Variants in DPYD observed in about 807,000 individuals in gnomAD.
The protein encoded by DPYD is dihydropyrimidine dehydrogenase [NADP(+)].
A neutral mutation model predicts 116.2 loss-of-function variants in DPYD; 109 were observed. That is an observed-to-expected ratio of 0.94 (90% CI 0.80 to 1.10). The LOEUF (loss-of-function observed/expected upper bound fraction) is 1.10, where lower values mean the gene tolerates loss of function less well. Among genes scored for constraint, DPYD ranks in the 50% least tolerant of loss-of-function variants. DPYD has a pLI of 0.00. For missense variants in DPYD, 1,302 were observed against 1,254.5 expected, an observed-to-expected ratio of 1.04 and a Z score of -0.57; for synonymous variants, 440 against 432.0, an observed-to-expected ratio of 1.02 and a Z score of -0.23.
intron 20 of DPYD, among the ~76,000 whole-genome samples, chr1:97,180,829 A>G (rs539795214): frequency 6.6e-6 from 1 of 152,310 alleles, no homozygotes; most frequent in African/African-American, 2.4e-5. Flanking sequence ...TTGATGTAGT[A>G]AGGAGAAATG....
intron 16 of DPYD, among the ~76,000 whole-genome samples, chr1:97,361,861 A>T (rs1167586352): frequency 1.3e-5 from 2 of 152,248 alleles, no homozygotes; most frequent in Non-Finnish European, 2.9e-5. Flanking sequence ...TGAATGGGCA[A>T]AAACTGGAAG....
intron 14 of DPYD, among the ~76,000 whole-genome samples, chr1:97,388,722 A>T (rs1672501703): frequency 6.6e-6 from 1 of 152,128 alleles, no homozygotes; most frequent in African/African-American, 2.4e-5. Flanking sequence ...AATCTCTCTA[A>T]AGGTTTTCTT....
intron 20 of DPYD, among the ~76,000 whole-genome samples, chr1:97,120,060 C>T (rs1652305779): frequency 6.6e-6 from 1 of 152,032 alleles, no homozygotes; most frequent in African/African-American, 2.4e-5. Flanking sequence ...TTATCCAGGC[C>T]CTTTGTAAAT....
intron 14 of DPYD, among the ~76,000 whole-genome samples, chr1:97,449,627 T>C (rs936496622): frequency 4.6e-5 from 7 of 152,200 alleles, no homozygotes; most frequent in Non-Finnish European, 1.0e-4. Flanking sequence ...GTTAAAATTA[T>C]TTAATAAATT....
chr1:97,747,786 C>T (rs188145696), intron 3 of DPYD, among the ~76,000 whole-genome samples: 1 of 152,266 alleles, frequency 6.6e-6, no homozygotes, highest in East Asian at 1.9e-4. Context: ...AGTACAAGTG[C>T]TGGTGCTTGA....
chr1:97,804,842 T>C (rs1231113124), intron 3 of DPYD, among the ~76,000 whole-genome samples: 1 of 151,918 alleles, frequency 6.6e-6, no homozygotes, highest in African/African-American at 2.4e-5. Flanking sequence ...AAGTTATCCT[T>C]AATTATTATT....
intron 13 of DPYD, among the ~76,000 whole-genome samples, chr1:97,509,190 G>A (rs1348356195): frequency 6.6e-6 from 1 of 152,014 alleles, no homozygotes; most frequent in African/African-American, 2.4e-5. Flanking sequence ...CAGAAAACGT[G>A]TTGCTGCTTT....
chr1:97,335,232 C>A (rs1329438634), intron 16 of DPYD, among the ~76,000 whole-genome samples: 1 of 151,398 alleles, frequency 6.6e-6, no homozygotes, highest in African/African-American at 2.4e-5. Context: ...TCAAACTAAG[C>A]TCATCAAATT....
chr1:97,597,542 T>C (rs1654969678), intron 8 of DPYD, among the ~76,000 whole-genome samples: 1 of 152,196 alleles, frequency 6.6e-6, no homozygotes, highest in Admixed American at 6.5e-5. Flanking sequence ...CGTTAGTCAA[T>C]CAAACACTAA....
rs1231441164 is a variant in DPYD, at chr1:97,098,704, T to C, written c.2623-72A>G. On this transcript the variant is annotated intron_variant, in intron 20 of 22. Coordinates refer to ENST00000370192, the MANE Select transcript of DPYD (RefSeq NM_000110.4). ...AGAAAAATGGGAAGATATAAACATA[T>C]AAATATTATCAACAAACAAATGTGT... The C allele has an allele frequency of 1.5e-5, 23 of 1,527,680 alleles. 1 individual carries two copies. The Admixed American group carries it at 4.1e-4, about 27-fold the overall frequency. 94.6% of individuals were successfully genotyped at this position (1,527,680 alleles called of 1,614,324 possible).
intron 8 of DPYD, among the ~76,000 whole-genome samples, chr1:97,647,491 T>C (rs1658335647): frequency 6.6e-6 from 1 of 151,936 alleles, no homozygotes; most frequent in South Asian, 2.1e-4. Flanking sequence ...TAATAAATAT[T>C]TATCCAGCGT....
intron 20 of DPYD, among the ~76,000 whole-genome samples, chr1:97,118,022 CAGT>C (rs2101637848): frequency 6.6e-6 from 1 of 152,244 alleles, no homozygotes; most frequent in South Asian, 2.1e-4. Flanking sequence ...TTTGAGGTAA[CAGT>C]AGAGAATTAA....
chr1:97,291,316 AC>A (rs1475911230), intron 18 of DPYD, among the ~76,000 whole-genome samples: 1 of 152,010 alleles, frequency 6.6e-6, no homozygotes, highest in Non-Finnish European at 1.5e-5. Context: ...ATACCATTTG[AC>A]CCAGCCATCC....
chr1:97,234,832 C>G lies in DPYD; in HGVS notation c.2442+20G>C. On this transcript the variant is annotated intron_variant, in intron 19 of 22. Coordinates refer to ENST00000370192, the MANE Select transcript of DPYD (RefSeq NM_000110.4). ...GTGAGATGGAGATTTTTAAAAGGGA[C>G]AGACAAACACAATGACTACCTGGAG... The G allele has an allele frequency of 6.2e-7, 1 of 1,613,234 alleles. No individual in the cohort carries two copies. The highest frequency in any genetic ancestry group is 1.3e-5 in the African/African-American group (1 of 74,932).
chr1:97,204,303 T>C (rs891341878), intron 19 of DPYD, among the ~76,000 whole-genome samples: 1 of 152,172 alleles, frequency 6.6e-6, no homozygotes, highest in Non-Finnish European at 1.5e-5. Flanking sequence ...ATAAATTGTA[T>C]GCTAGTTTTT....
At chr1:97,626,836 T>C (rs573299943) in intron 8 of DPYD, among the ~76,000 whole-genome samples, 1 of 152,224 alleles carries the variant, frequency 6.6e-6, no homozygotes, top group South Asian at 2.1e-4. Flanking sequence ...CAGTAAAATA[T>C]ATTAGTAGTC....
At chr1:97,359,422 AG>A (rs1670598344) in intron 16 of DPYD, among the ~76,000 whole-genome samples, 1 of 152,194 alleles carries the variant, frequency 6.6e-6, no homozygotes, top group South Asian at 2.1e-4. Flanking sequence ...CAACCTAGCA[AG>A]GCAGGCCAAC....
intron 19 of DPYD, among the ~76,000 whole-genome samples, chr1:97,207,907 T>C (rs188191634): frequency 1.3e-5 from 2 of 152,280 alleles, no homozygotes; most frequent in Admixed American, 1.3e-4. Context: ...GTTCATAAAG[T>C]TCAACACTTC....
chr1:97,386,095 G>A (rs1018982332), intron 14 of DPYD, among the ~76,000 whole-genome samples: 1 of 151,994 alleles, frequency 6.6e-6, no homozygotes, highest in African/African-American at 2.4e-5. Context: ...ATACATTATG[G>A]TAAGCAGTGG....
Sources: allele counts gnomAD v4.1 joint callset (sites outside exome capture counted in the v4.1 genomes callset), GRCh38; gene constraint gnomAD v4.1.1; transcripts MANE v1.5; gene names NCBI Gene and HGNC (gene_info 2026-07-23, HGNC 2026-07-21).